Variants in FUT5 observed in about 807,000 individuals in gnomAD.
FUT5 encodes the protein 4-galactosyl-N-acetylglucosaminide 3-alpha-L-fucosyltransferase FUT5.
FUT5 carries 1 observed loss-of-function variant against 0.8 expected under a neutral mutation model. That is an observed-to-expected ratio of 1.26 (90% confidence interval 0.45 to 5.99). FUT5 has a LOEUF of 5.99. Ranked by LOEUF, FUT5 falls within the 30% of genes most tolerant of loss-of-function variation. The pLI is 0.15. For missense variants in FUT5, 437 were observed against 517.8 expected (o/e 0.84, Z 1.51); for synonymous variants, 212 against 225.7 (o/e 0.94, Z 0.54).
rs1480110542 is a variant in FUT5 at position 5,866,908 on chromosome 19, A to C, written c.818T>G (p.Leu273Arg). Residue 273 changes from leucine to arginine, a missense_variant, in exon 2 of 2, where the codon CTG becomes CGG. This residue lies in a region of FUT5 where 176 missense variants were observed against 275.2 expected (regional missense o/e 0.64). Coordinates refer to ENST00000588525, the MANE Select transcript of FUT5 (RefSeq NM_002034.2). This position sits in a 1 kb window ranked among gnomAD's most constrained non-coding sequence, Gnocchi z 4.9. ...SLHPDYITEKLWRNALEAWAV... is the reference protein window; with the variant it reads ...SLHPDYITEKRWRNALEAWAV... ...CCAGGCCTCCAGGGCGTTCCTCCAC[A>C]GCTTCTCGGTGATGTAGTCGGGGTG... 6.2e-7 allele frequency: 1 copy of C among 1,609,930 alleles called. No homozygotes were observed. Among genetic ancestry groups the C allele is most frequent in the Non-Finnish European group, 8.5e-7 (1 of 1,178,970 alleles).
intron 1 of FUT5, among the ~76,000 whole-genome samples, chr19:5,868,984 C>CCT (rs2057514641): frequency 1.3e-5 from 2 of 151,310 alleles, no homozygotes; most frequent in Non-Finnish European, 1.5e-5. Flanking sequence ...CCATGCCCAG[C>CCT]TAATTTTTTT....
In FUT5 at chr19:5,866,134, G is replaced by A. The variant is rs992581951; in HGVS notation, c.*467C>T. On this transcript the variant is annotated 3_prime_UTR_variant, in exon 2 of 2. Transcript: ENST00000588525. The surrounding 1 kb of genome is among the most constrained non-coding windows in gnomAD (Gnocchi z 4.9). ...ACATACCCTTCGCCCTCCTCCTTAG[G>A]GGACCCTGCCCTTCCCTGACCTGCC... The A allele has an allele frequency of 6.8e-6, 2 of 294,370 alleles. No individual in the cohort carries two copies. The highest frequency in any genetic ancestry group is 4.3e-5 in the African/African-American group (2 of 46,212). The allele number at this position is 294,370 out of a possible 1,614,324, so 18.2% of individuals were successfully genotyped here.
chr19:5,867,515 G>T lies in FUT5; in HGVS notation c.211C>A (p.Pro71Thr). 6.2e-7 allele frequency: 1 copy of T among 1,613,294 alleles called. No homozygotes were observed. The highest frequency in any genetic ancestry group is 8.5e-7 in the Non-Finnish European group (1 of 1,179,882). ...AGGATCAGTAGGGTGGGGTGGGCAG[G>T]GGTCGCCATGCTGTCCTGGCAGCGG... is the stretch of plus-strand genomic sequence containing the variant. ...GSRCQDSMAT[P>T]AHPTLLILLW... Residue 71 changes from proline (P) to threonine (T), a missense_variant, in exon 2 of 2, where the codon CCT (proline) becomes ACT (threonine). Around this residue, in one of 2 missense-constraint regions of FUT5, gnomAD observed 261 missense variants for 242.6 expected, o/e 1.08. Transcript: ENST00000588525. This position sits in a 1 kb window ranked among gnomAD's most constrained non-coding sequence, Gnocchi z 5.0.
In FUT5 at chr19:5,867,972, G is replaced by A. The variant is rs537383307; in HGVS notation, c.-12-235C>T. Reference sequence around the variant, plus strand: ...GTAGGAGTTGAGGGAAAGGGTGTCCGTTGGATGAGGAAAGAGCCAGTGCCA... The same window carrying A: ...GTAGGAGTTGAGGGAAAGGGTGTCCATTGGATGAGGAAAGAGCCAGTGCCA... On this transcript the variant is annotated intron_variant, in intron 1 of 1. Coordinates refer to ENST00000588525, the MANE Select transcript of FUT5 (RefSeq NM_002034.2). The surrounding 1 kb of genome is among the most constrained non-coding windows in gnomAD (Gnocchi z 5.0). Among the ~76,000 whole-genome samples the A allele has an allele frequency of 2.6e-5, 4 of 152,270 alleles. No homozygotes were observed. The highest frequency in any genetic ancestry group is 4.1e-4 in the South Asian group (2 of 4,824).
Position 5,867,487 on chromosome 19 carries a change from A to G in FUT5, c.239T>C (p.Leu80Pro), listed in dbSNP as rs1227296264. 3 of 1,228,158 alleles carry G rather than the reference A, an allele frequency of 2.4e-6. No individual in the cohort carries two copies. Among genetic ancestry groups the G allele is most frequent in the Non-Finnish European group, 3.4e-6 (3 of 893,562 alleles). The allele number at this position is 1,228,158 out of a possible 1,614,324, so 76.1% of individuals were successfully genotyped here. A position where few individuals can be genotyped will look rare whatever the true frequency, so the allele number is the denominator to read the frequency against. The change falls in exon 2 of 2, where the codon CTG becomes CCG. Residue 80 changes from leucine to proline, a missense_variant. Physicochemically the swap from Leu to Pro is moderately conservative, Grantham distance 98 (BLOSUM62 -3). Around this residue, in one of 2 missense-constraint regions of FUT5, gnomAD observed 261 missense variants for 242.6 expected, o/e 1.08. Coordinates refer to ENST00000588525, the MANE Select transcript of FUT5 (RefSeq NM_002034.2). This position sits in a 1 kb window ranked among gnomAD's most constrained non-coding sequence, Gnocchi z 5.0. ...TPAHPTLLIL[L>P]WTWPFNTPVA... The stretch of plus-strand genomic sequence containing the variant: ...GGGTGTGTTAAAAGGCCACGTCCAC[A>G]GCAGGATCAGTAGGGTGGGGTGGGC...
chr19:5,870,079 A>AG (rs2057518045), intron 1 of FUT5, among the ~76,000 whole-genome samples: 1 of 151,416 alleles, frequency 6.6e-6, no homozygotes, highest in African/African-American at 2.4e-5. Context: ...AAAAAAAAAA[A>AG]AAAAAAAAGA....
intron 1 of FUT5, among the ~76,000 whole-genome samples, chr19:5,870,209 G>A (rs1328768173): frequency 6.6e-6 from 1 of 151,590 alleles, no homozygotes; most frequent in Non-Finnish European, 1.5e-5. Flanking sequence ...GTGAGCCACT[G>A]TGCCTGGCCT....
chr19:5,868,380 G>A (rs2057512913), intron 1 of FUT5, among the ~76,000 whole-genome samples: 1 of 152,142 alleles, frequency 6.6e-6, no homozygotes, highest in African/African-American at 2.4e-5. Flanking sequence ...CTGGGTCTGG[G>A]AAGCCTGAGA....
Position 5,868,607 on chromosome 19 carries a change from G to A in FUT5, c.-12-870C>T, listed in dbSNP as rs200983666. Among the ~76,000 whole-genome samples the A allele has an allele frequency of 3.9e-5, 6 of 152,304 alleles. No homozygotes were observed. The East Asian group carries it at 1.2e-3, about 29-fold the overall frequency. ...CCCAGCATTTTGGGAGGCCAAGGCG[G>A]GCAGATCACCTGAGGTCAGGAGTTC... On this transcript the variant is annotated intron_variant, in intron 1 of 1. Coordinates refer to ENST00000588525, the MANE Select transcript of FUT5 (RefSeq NM_002034.2).
At position 5,867,302 on chromosome 19, in the gene FUT5, C is replaced by G; in HGVS notation, c.424G>C (p.Gly142Arg). Reference protein sequence around the residue: ...ANLPPPTRPQGQRWIWFSMES... With the variant: ...ANLPPPTRPQRQRWIWFSMES... The stretch of plus-strand genomic sequence containing the variant: ...ATGCTGAACCAGATCCAGCGCTGCC[C>G]CTGCGGCCTGGTGGGGGGCGGGAGG... Residue 142 changes from glycine (G) to arginine (R), a missense_variant, in exon 2 of 2, where the codon GGG (glycine) becomes CGG (arginine). Coordinates refer to ENST00000588525, the MANE Select transcript of FUT5 (RefSeq NM_002034.2). This position sits in a 1 kb window ranked among gnomAD's most constrained non-coding sequence, Gnocchi z 5.0. 1 of 1,613,560 alleles carries G rather than the reference C, an allele frequency of 6.2e-7. No homozygotes were observed. The highest frequency in any genetic ancestry group is 8.5e-7 in the Non-Finnish European group (1 of 1,180,020).
In FUT5 at chr19:5,866,564, A is replaced by G. The variant is rs752156380; in HGVS notation, c.*37T>C. ...CCCTAGGTAGGTGAGGCCCTGGGAAAGTGAGGTCCCGGCAGCCCAGGCCCC... is the reference window on the plus strand; with the variant it reads ...CCCTAGGTAGGTGAGGCCCTGGGAAGGTGAGGTCCCGGCAGCCCAGGCCCC... On this transcript the variant is annotated 3_prime_UTR_variant, in exon 2 of 2. Coordinates refer to ENST00000588525, the MANE Select transcript of FUT5 (RefSeq NM_002034.2). The surrounding 1 kb of genome is among the most constrained non-coding windows in gnomAD (Gnocchi z 4.9). 5 of 1,612,356 alleles carry G rather than the reference A, an allele frequency of 3.1e-6. No individual in the cohort carries two copies. In the East Asian group the frequency reaches 6.7e-5, roughly 22 times the overall value.
Position 5,867,075 on chromosome 19 carries a change from C to G in FUT5, c.651G>C (p.Ser217=), listed in dbSNP as rs189013086. 508 of 1,611,664 alleles carry G rather than the reference C, an allele frequency of 3.2e-4. 6 individuals carry two copies. Among genetic ancestry groups the G allele is most frequent in the South Asian group, 3.5e-4 (32 of 90,872 alleles). ...GGCTCTGGTAGTAGCGCACCCTGGC[C>G]GAGTCCGGCTTCCAGTTGGACACCG... ...AWAVSNWKPD[S]ARVRYYQSLQ... is the part of the protein sequence containing the mutation. The change falls in exon 2 of 2, where the codon TCG becomes TCC. Residue 217 remains serine, a synonymous_variant. Coordinates refer to ENST00000588525, the MANE Select transcript of FUT5 (RefSeq NM_002034.2). This position sits in a 1 kb window ranked among gnomAD's most constrained non-coding sequence, Gnocchi z 5.0.
rs1163073698 is a variant in FUT5 at position 5,867,267 on chromosome 19, G to T, written c.459C>A (p.Pro153=). 3 of 1,613,330 alleles carry T rather than the reference G, an allele frequency of 1.9e-6. No individual in the cohort carries two copies. The highest frequency in any genetic ancestry group is 2.5e-6 in the Non-Finnish European group (3 of 1,180,036). Residue 153 remains proline, a synonymous_variant, in exon 2 of 2, where the codon CCC becomes CCA. Coordinates refer to ENST00000588525, the MANE Select transcript of FUT5 (RefSeq NM_002034.2). This position sits in a 1 kb window ranked among gnomAD's most constrained non-coding sequence, Gnocchi z 5.0. ...QRWIWFSMES[P]SNCRHLEALD... ...GGGCTTCCAGGTGCCGGCAGTTGCT[G>T]GGGGACTCCATGCTGAACCAGATCC...
rs1203118550 is a variant in FUT5, at chr19:5,866,712, C to A, written c.1014G>T (p.Thr338=). ...RYLSYFHWRE[T]LRPRSFSWAL... ...CCCAGCTGAAGGAGCGAGGCCGCAG[C>A]GTCTCCCGCCAGTGAAAGTAGCTCA... is the stretch of plus-strand genomic sequence containing the variant. The change falls in exon 2 of 2, where the codon ACG becomes ACT. Residue 338 remains threonine, a synonymous_variant. Coordinates refer to ENST00000588525, the MANE Select transcript of FUT5 (RefSeq NM_002034.2). This position sits in a 1 kb window ranked among gnomAD's most constrained non-coding sequence, Gnocchi z 4.9. The A allele has an allele frequency of 6.2e-7, 1 of 1,610,018 alleles. No homozygotes were observed. Among genetic ancestry groups the A allele is most frequent in the African/African-American group, 1.3e-5 (1 of 74,578 alleles).
Position 5,866,744 on chromosome 19 carries a change from G to A in FUT5, c.982C>T (p.Arg328Cys), listed in dbSNP as rs201392917. 1.5e-5 allele frequency: 24 copies of A among 1,598,256 alleles called. No homozygotes were observed. Among genetic ancestry groups the A allele is most frequent in the South Asian group, 8.9e-5 (8 of 89,730 alleles). The change falls in exon 2 of 2, where the codon CGC (arginine) becomes TGC (cysteine). Residue 328 changes from arginine to cysteine, a missense_variant. By Grantham distance (180) the Arg-to-Cys change is radical. Transcript: ENST00000588525. The surrounding 1 kb of genome is among the most constrained non-coding windows in gnomAD (Gnocchi z 4.9). ...YLQELDKDHA[R>C]YLSYFHWRET... ...CGCCAGTGAAAGTAGCTCAGGTAGC[G>A]GGCGTGGTCCTTGTCCAGCTCCTGC...
chr19:5,868,423 C>CGGA (rs1374307720), intron 1 of FUT5, among the ~76,000 whole-genome samples: 5 of 151,990 alleles, frequency 3.3e-5, no homozygotes, highest in African/African-American at 4.8e-5. Flanking sequence ...AGAGGGCGAC[C>CGGA]GGAGGAGGAG....
In FUT5 at chr19:5,866,502, C is replaced by T. The variant is rs922041530; in HGVS notation, c.*99G>A. The T allele has an allele frequency of 2.2e-5, 33 of 1,534,480 alleles. No homozygotes were observed. Among genetic ancestry groups the T allele is most frequent in the African/African-American group, 5.9e-5 (4 of 68,228 alleles). ...CCAGGCAGCCGAGGCCCCAGGCAGCCGAGGCCCCAGGTAGGTAAATCCCCC... is the reference window on the plus strand; with the variant it reads ...CCAGGCAGCCGAGGCCCCAGGCAGCTGAGGCCCCAGGTAGGTAAATCCCCC... On this transcript the variant is annotated 3_prime_UTR_variant, in exon 2 of 2. Coordinates refer to ENST00000588525, the MANE Select transcript of FUT5 (RefSeq NM_002034.2). This position sits in a 1 kb window ranked among gnomAD's most constrained non-coding sequence, Gnocchi z 4.9.
At chr19:5,869,817 C>T (rs2057517201) in intron 1 of FUT5, among the ~76,000 whole-genome samples, 1 of 152,004 alleles carries the variant, frequency 6.6e-6, no homozygotes, top group Non-Finnish European at 1.5e-5. Flanking sequence ...TGTGGTGCCT[C>T]ACGTCTGTAA....
Position 5,867,863 on chromosome 19 carries a change from G to T in FUT5, c.-12-126C>A. 1.0e-6 allele frequency: 1 copy of T among 1,001,822 alleles called. No homozygotes were observed. The allele number at this position is 1,001,822 out of a possible 1,614,324, so 62.1% of individuals were successfully genotyped here. A position where few individuals can be genotyped will look rare whatever the true frequency, so the allele number is the denominator to read the frequency against. On this transcript the variant is annotated intron_variant, in intron 1 of 1. Transcript: ENST00000588525. This position sits in a 1 kb window ranked among gnomAD's most constrained non-coding sequence, Gnocchi z 5.0. ...TCATAAATGCCCCCAGTACCCCTGA[G>T]TTGAGGATTGAATTTATAACTCTGA...
Sources: allele counts gnomAD v4.1 joint callset (sites outside exome capture counted in the v4.1 genomes callset), GRCh38; gene constraint gnomAD v4.1.1; regional missense constraint gnomAD v4.1.1; non-coding constraint Gnocchi (gnomAD v3.1); transcripts MANE v1.5; gene names NCBI Gene and HGNC (gene_info 2026-07-23, HGNC 2026-07-21).